LRMDA: variants seen among roughly 807,000 people sequenced by gnomAD.
The protein encoded by LRMDA is leucine-rich melanocyte differentiation-associated protein.
Under a neutral mutation model 29.8 loss-of-function variants are expected in LRMDA, and 18 were observed. That is an observed-to-expected ratio of 0.60 (90% CI 0.42 to 0.90). LRMDA has a LOEUF of 0.90. LRMDA is among the 40% of genes least tolerant of loss of function. The probability of loss-of-function intolerance (pLI) is 0.00; values close to 1 mark genes in which losing one functional copy is unlikely to be tolerated. For missense variants in LRMDA, 273 were observed against 273.9 expected, an observed-to-expected ratio of 1.00 and a Z score of 0.02; for synonymous variants, 125 against 109.4, an observed-to-expected ratio of 1.14 and a Z score of -0.89.
chr10:76,036,306 C>T (rs571024135), intron 3 of LRMDA, among the ~76,000 whole-genome samples, 172 bp downstream of exon 3: 4 of 152,246 alleles, frequency 2.6e-5, no homozygotes, highest in Non-Finnish European at 4.4e-5. Context: ...TTCTGGCACT[C>T]GGGACACTTC....
chr10:75,980,081 T>TCA (rs1023026763), intron 2 of LRMDA, among the ~76,000 whole-genome samples: 1 of 152,186 alleles, frequency 6.6e-6, no homozygotes, highest in Non-Finnish European at 1.5e-5. Context: ...CCCACTGTCC[T>TCA]CACACTGGCA....
chr10:76,524,033 T>C (rs1843148749), intron 6 of LRMDA, among the ~76,000 whole-genome samples: 1 of 152,250 alleles, frequency 6.6e-6, no homozygotes, highest in African/African-American at 2.4e-5. Flanking sequence ...CCCTGGGTTA[T>C]ATGGCAGCCA....
chr10:76,110,743 C>T (rs1205650267), intron 5 of LRMDA, among the ~76,000 whole-genome samples: 2 of 152,220 alleles, frequency 1.3e-5, no homozygotes, highest in East Asian at 3.9e-4. Flanking sequence ...CTTTGCCTCC[C>T]ACCATGATTC....
At chr10:76,245,472 C>T (rs1247488) in intron 5 of LRMDA, among the ~76,000 whole-genome samples, 92,848 of 151,982 alleles carry the variant, frequency 0.61, 28,379 homozygotes, top group Middle Eastern at 0.68. Flanking sequence ...CCTATGTCTC[C>T]GAGCACATTC....
chr10:76,523,029 C>T (rs1377430491), intron 6 of LRMDA, among the ~76,000 whole-genome samples: 2 of 152,086 alleles, frequency 1.3e-5, no homozygotes, highest in African/African-American at 2.4e-5. Flanking sequence ...CTGCCTTGTA[C>T]AGCTGCACAC....
intron 2 of LRMDA, among the ~76,000 whole-genome samples, chr10:75,518,255 T>G (rs925834456): frequency 1.3e-5 from 2 of 152,228 alleles, no homozygotes; most frequent in African/African-American, 4.8e-5. Context: ...TTCTACTGAT[T>G]GGAATAGTTT....
At chr10:76,273,021 A>T (rs1455561548) in intron 5 of LRMDA, among the ~76,000 whole-genome samples, 1 of 152,160 alleles carries the variant, frequency 6.6e-6, no homozygotes, top group South Asian at 2.1e-4. Context: ...GAGCCAAACC[A>T]TATCAAGGAC....
At chr10:76,279,439 A>T (rs1840174534) in intron 5 of LRMDA, among the ~76,000 whole-genome samples, 1 of 152,194 alleles carries the variant, frequency 6.6e-6, no homozygotes, top group Non-Finnish European at 1.5e-5. Flanking sequence ...GGACAAATGA[A>T]AAGAAATAAA....
In LRMDA at chr10:75,681,268, A is replaced by G. The variant is rs1842020256; in HGVS notation, c.131+242774A>G. Among the ~76,000 whole-genome samples, 5 of 152,232 alleles carry G rather than the reference A, an allele frequency of 3.3e-5. No homozygotes were observed. In the South Asian group the frequency reaches 1.0e-3, roughly 31 times the overall value. On this transcript the variant is annotated intron_variant, in intron 2 of 6. Coordinates refer to ENST00000611255, the MANE Select transcript of LRMDA (RefSeq NM_001305581.2). Reference sequence around the variant, plus strand: ...GGCTATGAGGAGCATGTTTTGTACCATAATCTCATTTTAATGCTTCAGTAG... The same window carrying G: ...GGCTATGAGGAGCATGTTTTGTACCGTAATCTCATTTTAATGCTTCAGTAG...
intron 6 of LRMDA, chr10:76,437,331 A>T (rs1260174800): frequency 6.6e-6 from 1 of 152,230 alleles, no homozygotes; most frequent in Non-Finnish European, 1.5e-5. Flanking sequence ...ATCTTTATAG[A>T]TGAAGAATCT....
At chr10:76,182,153 T>G (rs1851060630) in intron 5 of LRMDA, among the ~76,000 whole-genome samples, 1 of 152,080 alleles carries the variant, frequency 6.6e-6, no homozygotes, top group Non-Finnish European at 1.5e-5. Context: ...TGACTCACAG[T>G]TCCATGTGGC....
At chr10:76,141,870 C>A (rs1018910227) in intron 5 of LRMDA, among the ~76,000 whole-genome samples, 1 of 152,058 alleles carries the variant, frequency 6.6e-6, no homozygotes. Context: ...TAGTTATTTT[C>A]TGTCTCGTTT....
At chr10:76,156,318 A>T (rs961048997) in intron 5 of LRMDA, among the ~76,000 whole-genome samples, 1 of 151,998 alleles carries the variant, frequency 6.6e-6, no homozygotes. Context: ...GCAAGCTCAC[A>T]GGTGATGAGA....
chr10:76,068,781 C>A (rs532005390), intron 5 of LRMDA, among the ~76,000 whole-genome samples: 1 of 152,128 alleles, frequency 6.6e-6, no homozygotes, highest in African/African-American at 2.4e-5. Flanking sequence ...GGTCTGAATG[C>A]GGCTGATATG....
chr10:76,121,732 T>C (rs1849793104), intron 5 of LRMDA, among the ~76,000 whole-genome samples: 2 of 152,092 alleles, frequency 1.3e-5, no homozygotes, highest in Admixed American at 1.3e-4. Context: ...CCATGTGGAG[T>C]CAACATCTTT....
chr10:76,425,108 CA>C (rs1304448776), intron 6 of LRMDA, among the ~76,000 whole-genome samples: 69 of 152,142 alleles, frequency 4.5e-4, no homozygotes, highest in African/African-American at 1.6e-3. Flanking sequence ...CCAAAATAGC[CA>C]ATCCAAAATT....
At chr10:75,439,459 G>A (rs1423535062) in intron 2 of LRMDA, among the ~76,000 whole-genome samples, 1 of 152,164 alleles carries the variant, frequency 6.6e-6, no homozygotes, top group Non-Finnish European at 1.5e-5. Context: ...AGGATACTTG[G>A]GAATTAGGAA....
At chr10:75,820,514 G>T (rs1310877835) in intron 2 of LRMDA, among the ~76,000 whole-genome samples, 1 of 152,182 alleles carries the variant, frequency 6.6e-6, no homozygotes, top group African/African-American at 2.4e-5. Flanking sequence ...GCAGTGCCAA[G>T]AGGCAAGTTT....
At chr10:75,787,734 A>G (rs1843496762) in intron 2 of LRMDA, among the ~76,000 whole-genome samples, 1 of 152,276 alleles carries the variant, frequency 6.6e-6, no homozygotes, top group South Asian at 2.1e-4. Context: ...TGTGTAATAG[A>G]AAACCAAAAT....
Sources: allele counts gnomAD v4.1 joint callset (sites outside exome capture counted in the v4.1 genomes callset), GRCh38; gene constraint gnomAD v4.1.1; transcripts MANE v1.5; gene names NCBI Gene and HGNC (gene_info 2026-07-23, HGNC 2026-07-21).